Variants in CHPF observed in about 807,000 individuals in gnomAD.
The protein encoded by CHPF is chondroitin polymerizing factor.
In CHPF, 34 loss-of-function variants were observed where a neutral mutation model predicts 55.1. The observed-to-expected ratio is 0.62, with a 90% CI of 0.47 to 0.82. The LOEUF (loss-of-function observed/expected upper bound fraction) is 0.82, where lower values mean the gene tolerates loss of function less well. Ranked by LOEUF, CHPF falls within the 40% of genes least tolerant of loss-of-function variation. The pLI, the probability that CHPF is intolerant of heterozygous loss-of-function variation, is 0.00. For missense variants in CHPF, 961 were observed against 1,106.1 expected, an observed-to-expected ratio of 0.87 and a Z score of 1.86; for synonymous variants, 489 against 496.6, an observed-to-expected ratio of 0.98 and a Z score of 0.20.
chr2:219,541,391 A>G, intron 2 of CHPF: 1 of 552,408 alleles, frequency 1.8e-6, no homozygotes, highest in Non-Finnish European at 3.1e-6. Context: ...AGGCTCCCTG[A>G]TTTTTTCTAA....
rs756455985 is a variant in CHPF at position 219,540,506 on chromosome 2, G to A, written c.1205C>T (p.Ala402Val). 3 of 1,613,936 alleles carry A rather than the reference G, an allele frequency of 1.9e-6. No homozygotes were observed. The highest frequency in any genetic ancestry group is 1.3e-5 in the African/African-American group (1 of 74,942). The change falls in exon 4 of 4, where the codon GCT becomes GTT. Residue 402 changes from alanine (A) to valine (V), a missense_variant. Ala to Val is a moderately conservative substitution (Grantham distance 64). Around this residue, in one of 3 missense-constraint regions of CHPF, gnomAD observed 936 missense variants for 1,058.4 expected, o/e 0.88. Coordinates refer to ENST00000243776, the MANE Select transcript of CHPF (RefSeq NM_024536.6). ...GGGTGAGCCATCGGCGCAGGAGAAA[G>A]CGTGCTGCTCCGTGAAGTAGTCCCA... The part of the protein sequence containing the change: ...LRWDYFTEQH[A>V]FSCADGSPRC...
At position 219,540,555 on chromosome 2, in the gene CHPF, CCGGG is replaced by C. The variant is rs1466106300; in HGVS notation, c.1152_1155del (p.Ala386ProfsTer44). The C allele has an allele frequency of 6.2e-7, 1 of 1,613,732 alleles. No individual in the cohort carries two copies. The highest frequency in any genetic ancestry group is 2.2e-5 in the East Asian group (1 of 44,880). On this transcript the variant is annotated frameshift_variant, in exon 4 of 4. Transcript: ENST00000243776. LOFTEE classifies it high-confidence loss of function. Reference sequence around the variant, plus strand: ...CAGCGCAGCACCTCAAAGCGGGAGGCCGGGCGGGATGGTGCTGGAATACCCACGG... The same window carrying C: ...CAGCGCAGCACCTCAAAGCGGGAGGCCGGGATGGTGCTGGAATACCCACGG...
rs538724051 is a variant in CHPF, at chr2:219,542,337, G to A, written c.315-148C>T. 4 of 647,996 alleles carry A rather than the reference G, an allele frequency of 6.2e-6. No homozygotes were observed. In the East Asian group the frequency reaches 1.2e-4, roughly 19 times the overall value. 40.1% of individuals were successfully genotyped at this position (647,996 alleles called of 1,614,324 possible). A position where few individuals can be genotyped will look rare whatever the true frequency, so the allele number is the denominator to read the frequency against. On this transcript the variant is annotated intron_variant, in intron 1 of 3. Coordinates refer to ENST00000243776, the MANE Select transcript of CHPF (RefSeq NM_024536.6). ...GGTTAAAAATAAACCCTCTCTCCCA[G>A]GGGTCATGAGGATTTAAACGAAATG...
In CHPF at chr2:219,539,612, T is replaced by A. The variant is rs750286550; in HGVS notation, c.2099A>T (p.Glu700Val). ...GTACACATCCAGGCTCTCCAGCAGC[T>A]CCTCTTCTTGTTCTGAGGCTGCCGC... Reference protein sequence around the residue: ...RLAAASEQEEELLESLDVYEL... With the variant: ...RLAAASEQEEVLLESLDVYEL... The change falls in exon 4 of 4, where the codon GAG becomes GTG. Residue 700 changes from glutamate to valine, a missense_variant. By Grantham distance (121) the Glu-to-Val change is moderately radical. This residue lies in a region of CHPF where 936 missense variants were observed against 1,058.4 expected (regional missense o/e 0.88). Transcript: ENST00000243776. 682 of 1,613,742 alleles carry A rather than the reference T, an allele frequency of 4.2e-4. No individual in the cohort carries two copies. Among genetic ancestry groups the A allele is most frequent in the Non-Finnish European group, 5.5e-4 (649 of 1,179,960 alleles).
rs772314348 is a variant in CHPF, at chr2:219,539,336, GTGGGGTGGGGTGTGGCCA to G, written c.*29_*46del. 1.3e-6 allele frequency: 2 copies of G among 1,522,500 alleles called. No homozygotes were observed. Among genetic ancestry groups the G allele is most frequent in the Admixed American group, 3.8e-5 (2 of 52,628 alleles). 94.3% of individuals were successfully genotyped at this position (1,522,500 alleles called of 1,614,324 possible). On this transcript the variant is annotated 3_prime_UTR_variant, in exon 4 of 4. Transcript: ENST00000243776. The stretch of plus-strand genomic sequence containing the variant: ...AGGTGGCTCTGGTTTTGGGGGAGAA[GTGGGGTGGGGTGTGGCCA>G]TGCCACGGCCCACGGGGACAGGGTG...
In CHPF at chr2:219,539,091, G is replaced by A. The variant is rs899445761; in HGVS notation, c.*292C>T. The A allele has an allele frequency of 1.6e-5, 6 of 370,330 alleles. No homozygotes were observed. Among genetic ancestry groups the A allele is most frequent in the African/African-American group, 1.0e-4 (5 of 48,618 alleles). The allele number at this position is 370,330 out of a possible 1,614,324, so 22.9% of individuals were successfully genotyped here. A position where few individuals can be genotyped will look rare whatever the true frequency, so the allele number is the denominator to read the frequency against. On this transcript the variant is annotated 3_prime_UTR_variant, in exon 4 of 4. Coordinates refer to ENST00000243776, the MANE Select transcript of CHPF (RefSeq NM_024536.6). ...CCAGCCCCCAGGGCCCAGAGGCAGG[G>A]CTGGCGTCAGGCAGACTGTACTGCA...
Position 219,542,573 on chromosome 2 carries a change from A to G in CHPF, c.315-384T>C, listed in dbSNP as rs564849339. 2.0e-5 allele frequency among the ~76,000 whole-genome samples: 3 copies of G among 152,342 alleles called. No individual in the cohort carries two copies. In the South Asian group the frequency reaches 6.2e-4, roughly 32 times the overall value. On this transcript the variant is annotated intron_variant, in intron 1 of 3. Transcript: ENST00000243776. Reference sequence around the variant, plus strand: ...ACACACCATGTATCTACTCATTTCTATATAAATATGCCATTATGCCACAAA... The same window carrying G: ...ACACACCATGTATCTACTCATTTCTGTATAAATATGCCATTATGCCACAAA...
chr2:219,539,344 G>T lies in CHPF; in HGVS notation c.*39C>A. 6.5e-7 allele frequency: 1 copy of T among 1,540,816 alleles called. No homozygotes were observed. The highest frequency in any genetic ancestry group is 1.4e-5 in the African/African-American group (1 of 73,662). On this transcript the variant is annotated 3_prime_UTR_variant, in exon 4 of 4. Coordinates refer to ENST00000243776, the MANE Select transcript of CHPF (RefSeq NM_024536.6). ...CTGGTTTTGGGGGAGAAGTGGGGTG[G>T]GGTGTGGCCATGCCACGGCCCACGG...
In CHPF at chr2:219,540,972, T is replaced by C. The variant is rs1466830060; in HGVS notation, c.1042A>G (p.Thr348Ala). ...TGTAACTCCTGGATCTCCTGGTACGTGCGTTCCAGTTCAGCTCGGGCGAAA... is the reference window on the plus strand; with the variant it reads ...TGTAACTCCTGGATCTCCTGGTACGCGCGTTCCAGTTCAGCTCGGGCGAAA... ...KAFARAELER[T>A]YQEIQELQWE... is the part of the protein sequence containing the mutation. Residue 348 changes from threonine to alanine, a missense_variant, in exon 3 of 4, where the codon ACG (threonine) becomes GCG (alanine). Physicochemically the swap from Thr to Ala is moderately conservative, Grantham distance 58. Transcript: ENST00000243776. 6.2e-7 allele frequency: 1 copy of C among 1,613,904 alleles called. No homozygotes were observed. The highest frequency in any genetic ancestry group is 1.3e-5 in the African/African-American group (1 of 74,904).
Position 219,540,563 on chromosome 2 carries a change from G to A in CHPF, c.1148C>T (p.Ser383Phe). Residue 383 changes from serine to phenylalanine, a missense_variant, in exon 4 of 4, where the codon TCC becomes TTC. By Grantham distance (155) the Ser-to-Phe change is radical. Coordinates refer to ENST00000243776, the MANE Select transcript of CHPF (RefSeq NM_024536.6). Reference protein sequence around the residue: ...AAWPVGIPAPSRPASRFEVLR... With the variant: ...AAWPVGIPAPFRPASRFEVLR... ...CACCTCAAAGCGGGAGGCCGGGCGG[G>A]ATGGTGCTGGAATACCCACGGGCCA... The A allele has an allele frequency of 1.2e-6, 2 of 1,613,700 alleles. No individual in the cohort carries two copies. The highest frequency in any genetic ancestry group is 1.7e-4 in the Middle Eastern group (1 of 6,060).
At position 219,539,158 on chromosome 2, in the gene CHPF, G is replaced by A. The variant is rs559425338; in HGVS notation, c.*225C>T. ...ACAGCCCGAATCAGCAGCGTCAGGGGGCAGGGAAACTGGGTTTGGGATGAG... is the reference window on the plus strand; with the variant it reads ...ACAGCCCGAATCAGCAGCGTCAGGGAGCAGGGAAACTGGGTTTGGGATGAG... On this transcript the variant is annotated 3_prime_UTR_variant, in exon 4 of 4. Transcript: ENST00000243776. The A allele has an allele frequency of 6.1e-5, 34 of 556,812 alleles. No homozygotes were observed. In the South Asian group the frequency reaches 7.8e-4, roughly 13 times the overall value. The allele number at this position is 556,812 out of a possible 1,614,324, so 34.5% of individuals were successfully genotyped here.
Position 219,543,703 on chromosome 2 carries a change from G to A in CHPF, c.-165C>T. On this transcript the variant is annotated 5_prime_UTR_variant, in exon 1 of 4. Coordinates refer to ENST00000243776, the MANE Select transcript of CHPF (RefSeq NM_024536.6). ...AGCCAGCGGCCCGAGCCGAATCCCC[G>A]GAGCCGCGCCTCGATTCCCCTCCAG... 4 of 463,014 alleles carry A rather than the reference G, an allele frequency of 8.6e-6. No homozygotes were observed. Among genetic ancestry groups the A allele is most frequent in the Non-Finnish European group, 1.4e-5 (4 of 277,312 alleles). 28.7% of individuals were successfully genotyped at this position (463,014 alleles called of 1,614,324 possible). A position where few individuals can be genotyped will look rare whatever the true frequency, so the allele number is the denominator to read the frequency against.
chr2:219,541,201 C>T, intron 2 of CHPF, 76 bp from the exon 3 acceptor site: 1 of 1,369,148 alleles, frequency 7.3e-7, no homozygotes, highest in Non-Finnish European at 9.8e-7. Context: ...GTCTCATCTC[C>T]TCAGCCTATG....
Position 219,540,651 on chromosome 2 carries a change from G to T in CHPF, c.1069-9C>A. 1 of 1,581,516 alleles carries T rather than the reference G, an allele frequency of 6.3e-7. No individual in the cohort carries two copies. The highest frequency in any genetic ancestry group is 2.3e-5 in the East Asian group (1 of 44,194). On this transcript the variant is annotated splice_polypyrimidine_tract_variant and intron_variant, in intron 3 of 3. Transcript: ENST00000243776. ...GTATTCTGGATCTCCCACTGGATCA[G>T]AGAAACAGGCCATCAGCAAGGGACA...
chr2:219,542,837 G>A (rs1386496156), intron 1 of CHPF: 2 of 989,240 alleles, frequency 2.0e-6, no homozygotes, highest in Non-Finnish European at 2.4e-6. Context: ...GGTGGCCCTT[G>A]TAACCCACTC....
intron 2 of CHPF, chr2:219,541,384 C>A (rs977061335): frequency 3.6e-6 from 2 of 553,094 alleles, no homozygotes; most frequent in African/African-American, 3.9e-5. Flanking sequence ...ATGTACAAGG[C>A]TCCCTGATTT....
chr2:219,542,056 A>C lies in CHPF; in HGVS notation c.448T>G (p.Phe150Val). ...TLGHRLERVV[F>V]LTGARGRRAP... ...CGGCGGCCCCGTGCGCCCGTCAGGA[A>C]CACCACACGCTCCAGCCGGTGCCCC... The change falls in exon 2 of 4, where the codon TTC (phenylalanine) becomes GTC (valine). Residue 150 changes from phenylalanine to valine, a missense_variant. Physicochemically the swap from Phe to Val is conservative, Grantham distance 50. Around this residue, in one of 3 missense-constraint regions of CHPF, gnomAD observed 936 missense variants for 1,058.4 expected, o/e 0.88. Coordinates refer to ENST00000243776, the MANE Select transcript of CHPF (RefSeq NM_024536.6). The C allele has an allele frequency of 1.3e-6, 2 of 1,580,878 alleles. No individual in the cohort carries two copies. The highest frequency in any genetic ancestry group is 1.7e-6 in the Non-Finnish European group (2 of 1,168,530).
At position 219,543,251 on chromosome 2, in the gene CHPF, G is replaced by C. The variant is rs761875136; in HGVS notation, c.288C>G (p.Pro96=). ...PRVLPYHPAQ[P]GQAAKKAVRT... ...TGACGGCCTTTTTGGCGGCCTGGCC[G>C]GGCTGTGCAGGGTGGTAGGGCAAGA... The change falls in exon 1 of 4, where the codon CCC becomes CCG. Residue 96 remains proline (P), a synonymous_variant. Transcript: ENST00000243776. 1 of 1,561,818 alleles carries C rather than the reference G, an allele frequency of 6.4e-7. No homozygotes were observed. The highest frequency in any genetic ancestry group is 2.5e-5 in the East Asian group (1 of 39,470).
chr2:219,541,255 C>A, intron 2 of CHPF, 130 bp from the exon 3 acceptor site: 1 of 902,994 alleles, frequency 1.1e-6, no homozygotes, highest in Non-Finnish European at 1.6e-6. Context: ...TCTACCTTGA[C>A]CAGTTGTGAG....
Sources: allele counts gnomAD v4.1 joint callset (sites outside exome capture counted in the v4.1 genomes callset), GRCh38; gene constraint gnomAD v4.1.1; regional missense constraint gnomAD v4.1.1; transcripts MANE v1.5; gene names NCBI Gene and HGNC (gene_info 2026-07-23, HGNC 2026-07-21).